The following PMS1 variants were observed in gnomAD, a reference collection of about 807,000 sequenced individuals.
The protein encoded by PMS1 is PMS1 protein homolog 1.
PMS1 carries 79 observed loss-of-function variants against 93.1 expected under a neutral mutation model. The observed-to-expected ratio is 0.85, with a 90% CI of 0.71 to 1.02. PMS1 has a LOEUF of 1.02. Ranked by LOEUF, PMS1 falls within the 50% of genes least tolerant of loss-of-function variation. The pLI is 0.00. For synonymous variants in PMS1, 335 were observed against 363.4 expected (o/e 0.92, Z 0.89); for missense variants, 1,064 against 1,085.3 (o/e 0.98, Z 0.28).
At chr2:189,845,281 A>T (rs906849187) in intron 6 of PMS1, among the ~76,000 whole-genome samples, 1 of 152,086 alleles carries the variant, frequency 6.6e-6, no homozygotes, top group African/African-American at 2.4e-5. Flanking sequence ...TTGTAGTGGG[A>T]TTACATTTTA....
intron 5 of PMS1, among the ~76,000 whole-genome samples, chr2:189,832,467 TTTC>T: frequency 6.6e-6 from 1 of 151,972 alleles, no homozygotes. Context: ...CCAGAAGGGT[TTTC>T]TTTTTTTTTT....
At chr2:189,864,481 C>A (rs2056373406) in intron 10 of PMS1, 2 of 379,102 alleles carry the variant, frequency 5.3e-6, no homozygotes, top group Admixed American at 7.2e-5. Context: ...CATAGTGAAA[C>A]CCTGTCTCTA....
chr2:189,816,095 C>T (rs1233579250), intron 4 of PMS1, among the ~76,000 whole-genome samples: 1 of 152,144 alleles, frequency 6.6e-6, no homozygotes, highest in Non-Finnish European at 1.5e-5. Context: ...CAGGGTCTCA[C>T]TGTGTTGCCC....
chr2:189,801,171 T>C (rs531246137), intron 3 of PMS1, among the ~76,000 whole-genome samples: 25 of 152,352 alleles, frequency 1.6e-4, no homozygotes, highest in African/African-American at 6.0e-4. Flanking sequence ...ATTCTTTTTA[T>C]ATCTGCAGAG....
chr2:189,855,353 G>A (rs2055203488), intron 9 of PMS1, among the ~76,000 whole-genome samples: 1 of 149,482 alleles, frequency 6.7e-6, no homozygotes, highest in Admixed American at 6.7e-5. Flanking sequence ...TTTTGTTTAA[G>A]CCTTAACTGC....
intron 9 of PMS1, chr2:189,855,933 A>G (rs1429074027): frequency 1.6e-5 from 12 of 755,420 alleles, no homozygotes; most frequent in Non-Finnish European, 1.9e-5. Context: ...GAGTATCTCA[A>G]TATTATGTCA....
chr2:189,837,299 A>T lies in PMS1; in HGVS notation c.583-6665A>T, dbSNP rs1265321744. Among the ~76,000 whole-genome samples, 19 of 144,740 alleles carry T rather than the reference A, an allele frequency of 1.3e-4. No individual in the cohort carries two copies. The East Asian group carries it at 2.2e-3, about 17-fold the overall frequency. 95.0% of individuals were successfully genotyped at this position (144,740 alleles called of 152,430 possible). On this transcript the variant is annotated intron_variant, in intron 5 of 12. Transcript: ENST00000441310. ...TGCCACCATGCCCAGCTAATTTTTT[A>T]TTTTTTTTTTATAGAAACAGGGTCA...
At chr2:189,853,074 T>C (rs1241592686) in intron 7 of PMS1, among the ~76,000 whole-genome samples, 1 of 152,114 alleles carries the variant, frequency 6.6e-6, no homozygotes, top group African/African-American at 2.4e-5. Context: ...TCTTTTGAGA[T>C]GGAGTTTCGC....
chr2:189,854,128 T>C (rs1250064308), intron 8 of PMS1, 46 bp downstream of exon 8: 8 of 1,410,200 alleles, frequency 5.7e-6, no homozygotes, highest in Non-Finnish European at 7.8e-6. Flanking sequence ...TATAAACATA[T>C]ATTACTGTTT....
At chr2:189,833,105 A>C (rs574171510) in intron 5 of PMS1, among the ~76,000 whole-genome samples, 63 of 152,328 alleles carry the variant, frequency 4.1e-4, no homozygotes, top group African/African-American at 1.4e-3. Flanking sequence ...CTAAAAACAC[A>C]CATTAACTTC....
intron 5 of PMS1, among the ~76,000 whole-genome samples, chr2:189,826,619 A>C (rs577911990): frequency 1.3e-5 from 2 of 152,300 alleles, no homozygotes; most frequent in East Asian, 3.9e-4. Context: ...TGTAAGCACT[A>C]TTAGGAGTCT....
intron 9 of PMS1, among the ~76,000 whole-genome samples, chr2:189,859,686 T>C (rs1368812708): frequency 6.6e-6 from 1 of 152,202 alleles, no homozygotes. Context: ...TTTTTTATTC[T>C]TGAGTTCTTA....
chr2:189,875,983 G>A (rs1037845642), intron 12 of PMS1, among the ~76,000 whole-genome samples: 2 of 133,088 alleles, frequency 1.5e-5, no homozygotes, highest in Non-Finnish European at 3.1e-5. Context: ...AAAAAAAATT[G>A]CAGGGGAAAT....
chr2:189,867,357 A>C (rs1236942914), intron 10 of PMS1, among the ~76,000 whole-genome samples: 3 of 152,168 alleles, frequency 2.0e-5, no homozygotes, highest in Non-Finnish European at 4.4e-5. Flanking sequence ...CAAGCTCTAA[A>C]TTGATTAATT....
intron 9 of PMS1, among the ~76,000 whole-genome samples, chr2:189,862,236 T>C (rs988549510): frequency 1.8e-4 from 27 of 152,188 alleles, no homozygotes; most frequent in African/African-American, 5.8e-4. Context: ...TTACTGACCC[T>C]TTCTTTTGCC....
rs2106559182 is a variant in PMS1 at position 189,877,267 on chromosome 2, G to A, written c.2635-5G>A. ...GGTAAAATGTGTGACTTTCCCTTTG[G>A]ACAGGGAGAAGCAGTGCGTCTATCC... On this transcript the variant is annotated splice_region_variant and splice_polypyrimidine_tract_variant and intron_variant, in intron 12 of 12. Transcript: ENST00000441310. 6.2e-7 allele frequency: 1 copy of A among 1,612,270 alleles called. No homozygotes were observed. Among genetic ancestry groups the A allele is most frequent in the African/African-American group, 1.3e-5 (1 of 75,026 alleles).
rs866127846 is a variant in PMS1, at chr2:189,852,676, C to G, written c.721C>G (p.Pro241Ala). 1 of 1,603,594 alleles carries G rather than the reference C, an allele frequency of 6.2e-7. No individual in the cohort carries two copies. Among genetic ancestry groups the G allele is most frequent in the Non-Finnish European group, 8.5e-7 (1 of 1,170,822 alleles). The change falls in exon 7 of 13, where the codon CCA becomes GCA. Residue 241 changes from proline to alanine, a missense_variant. Transcript: ENST00000441310. ...ATAGATTTATCTCAGTGGATTTCTT[C>G]CAAAGTGTGATGCAGACCACTCTTT... ...ESQIYLSGFL[P>A]KCDADHSFTS...
chr2:189,823,189 GA>G (rs1038324401), intron 5 of PMS1, among the ~76,000 whole-genome samples: 1 of 151,970 alleles, frequency 6.6e-6, no homozygotes, highest in South Asian at 2.1e-4. Flanking sequence ...AAATTTAACT[GA>G]AAAAACTCAC....
At chr2:189,793,284 A>G (rs529357825) in intron 2 of PMS1, among the ~76,000 whole-genome samples, 2 of 152,318 alleles carry the variant, frequency 1.3e-5, no homozygotes, top group South Asian at 2.1e-4. Flanking sequence ...ATAACTTAGG[A>G]TGTTTGTTAA....
Sources: allele counts gnomAD v4.1 joint callset (sites outside exome capture counted in the v4.1 genomes callset), GRCh38; gene constraint gnomAD v4.1.1; transcripts MANE v1.5; gene names NCBI Gene and HGNC (gene_info 2026-07-23, HGNC 2026-07-21).